DISC1: variants seen among roughly 807,000 people sequenced by gnomAD.
The protein encoded by DISC1 is DISC1 scaffold protein, also known as disrupted in schizophrenia 1 protein.
Under a neutral mutation model 84.5 loss-of-function variants are expected in DISC1, and 57 were observed. The ratio of observed to expected loss-of-function variants is 0.67; its 90% CI spans 0.55 to 0.84. The LOEUF is 0.84. Among genes scored for constraint, DISC1 ranks in the 40% least tolerant of loss-of-function variants. The pLI, the probability that DISC1 is intolerant of heterozygous loss-of-function variation, is 0.00. For synonymous variants in DISC1, 411 were observed against 415.2 expected, an observed-to-expected ratio of 0.99 and a Z score of 0.12; for missense variants, 1,000 against 1,057.8, an observed-to-expected ratio of 0.95 and a Z score of 0.76.
intron 9 of DISC1, among the ~76,000 whole-genome samples, chr1:231,905,866 G>A (rs944709367): frequency 1.3e-5 from 2 of 151,934 alleles, no homozygotes; most frequent in Non-Finnish European, 2.9e-5. Context: ...AAATACCCTC[G>A]TTTTTAGGAA....
intron 9 of DISC1, 46 bp downstream of exon 9, chr1:231,818,563 G>C: frequency 1.9e-6 from 3 of 1,610,540 alleles, no homozygotes; most frequent in Non-Finnish European, 2.5e-6. Context: ...GATGATATTT[G>C]TTGTGTTTTG....
rs1251598113 is a variant in DISC1, at chr1:231,672,154, T to C, written c.68-21672T>C. On this transcript the variant is annotated intron_variant, in intron 1 of 12. Transcript: ENST00000439617. ...TGTGCTTCTTAGATTCTGTTTTTTT[T>C]CTCTTCTTGAAACGAGAATACTTGT... is the stretch of plus-strand genomic sequence containing the variant. Among the ~76,000 whole-genome samples, 4 of 152,312 alleles carry C rather than the reference T, an allele frequency of 2.6e-5. No homozygotes were observed. In the South Asian group the frequency reaches 6.2e-4, roughly 24 times the overall value.
chr1:231,813,679 A>G (rs770785793), intron 8 of DISC1, among the ~76,000 whole-genome samples: 1 of 152,126 alleles, frequency 6.6e-6, no homozygotes, highest in Admixed American at 6.5e-5. Context: ...CATTTGGGGC[A>G]CTATTGTTTT....
intron 9 of DISC1, among the ~76,000 whole-genome samples, chr1:231,958,396 A>G (rs991365346): frequency 6.6e-6 from 1 of 152,218 alleles, no homozygotes; most frequent in African/African-American, 2.4e-5. Context: ...AGGTTCCACA[A>G]TCCTCCTCTA....
chr1:232,005,244 A>G (rs821601), intron 10 of DISC1, among the ~76,000 whole-genome samples: 59,345 of 151,766 alleles, frequency 0.39, 13,529 homozygotes, highest in African/African-American at 0.64. Flanking sequence ...TCTTGTACAC[A>G]AGAAGTCCCA....
chr1:231,799,747 T>A (rs1011877622), intron 7 of DISC1, among the ~76,000 whole-genome samples: 1 of 151,136 alleles, frequency 6.6e-6, no homozygotes, highest in Non-Finnish European at 1.5e-5. Context: ...AGTTTTGTAA[T>A]TGGATGTGGG....
At chr1:231,688,170 G>A (rs1310280796) in intron 1 of DISC1, among the ~76,000 whole-genome samples, 1 of 152,142 alleles carries the variant, frequency 6.6e-6, no homozygotes, top group Non-Finnish European at 1.5e-5. Flanking sequence ...TTCTATGTCA[G>A]TTCTAGAACC....
intron 9 of DISC1, among the ~76,000 whole-genome samples, chr1:231,841,092 A>G (rs368950447): frequency 2.0e-5 from 3 of 152,182 alleles, no homozygotes; most frequent in East Asian, 3.8e-4. Flanking sequence ...GCCTGACATG[A>G]TGCTCAAAGG....
chr1:231,774,610 A>G (rs1299359030), intron 6 of DISC1: 1 of 441,428 alleles, frequency 2.3e-6, no homozygotes, highest in Non-Finnish European at 4.6e-6. Flanking sequence ...GCACACTTTG[A>G]TTGGTCAGCT....
intron 9 of DISC1, among the ~76,000 whole-genome samples, chr1:231,907,208 G>T (rs1384328864): frequency 6.8e-6 from 1 of 146,570 alleles, no homozygotes; most frequent in African/African-American, 2.6e-5. Context: ...GGGTACATGT[G>T]CACAACGTGC....
At chr1:231,690,787 C>G (rs925664843) in intron 1 of DISC1, among the ~76,000 whole-genome samples, 2 of 152,182 alleles carry the variant, frequency 1.3e-5, no homozygotes, top group Admixed American at 1.3e-4. Context: ...CAGATTCCAG[C>G]AGTGCCCTCC....
chr1:231,808,908 G>A (rs544394989), intron 8 of DISC1, among the ~76,000 whole-genome samples: 3 of 152,318 alleles, frequency 2.0e-5, no homozygotes, highest in Non-Finnish European at 2.9e-5. Flanking sequence ...TGTAATTTAC[G>A]GATCCTGGGC....
At chr1:231,917,619 T>C (rs2089729530) in intron 9 of DISC1, among the ~76,000 whole-genome samples, 1 of 152,204 alleles carries the variant, frequency 6.6e-6, no homozygotes, top group South Asian at 2.1e-4. Flanking sequence ...CTTCCTGCTC[T>C]GGATCTTGTG....
chr1:231,791,123 G>A (rs1458873442), intron 6 of DISC1, among the ~76,000 whole-genome samples: 1 of 152,212 alleles, frequency 6.6e-6, no homozygotes, highest in African/African-American at 2.4e-5. Context: ...TGTTGAGGGT[G>A]AAATTTGGTC....
At position 231,636,189 on chromosome 1, in the gene DISC1, T is replaced by C. The variant is rs553305546; in HGVS notation, c.67+9255T>C. Among the ~76,000 whole-genome samples, 7 of 152,382 alleles carry C rather than the reference T, an allele frequency of 4.6e-5. No individual in the cohort carries two copies. In the South Asian group the frequency reaches 1.4e-3, roughly 32 times the overall value. The stretch of plus-strand genomic sequence containing the variant: ...GCTGCTCTTCATTCAGAAAGAGATA[T>C]ATAATTCTCCATTTGTAGAACACTG... On this transcript the variant is annotated intron_variant, in intron 1 of 12. Transcript: ENST00000439617.
intron 8 of DISC1, among the ~76,000 whole-genome samples, chr1:231,803,946 CAAAAAAAAAAAAAAA>C (rs59401177): frequency 1.8e-5 from 1 of 55,364 alleles, no homozygotes; most frequent in Admixed American, 3.0e-4. Flanking sequence ...GACTCCGTCT[CAAAAAAAAAAAAAAA>C]AAAAAAAAAA....
chr1:231,668,449 C>T (rs148080625), intron 1 of DISC1, among the ~76,000 whole-genome samples: 5 of 152,246 alleles, frequency 3.3e-5, no homozygotes, highest in African/African-American at 4.8e-5. Flanking sequence ...TCACCTCAAG[C>T]GGCCATTCCT....
At chr1:231,962,158 T>C (rs1278475547) in intron 10 of DISC1, among the ~76,000 whole-genome samples, 3 of 152,362 alleles carry the variant, frequency 2.0e-5, no homozygotes, top group East Asian at 1.9e-4. Context: ...TGTATTTCTG[T>C]TGGCTGCTTG....
At chr1:231,849,242 T>A (rs993146964) in intron 9 of DISC1, among the ~76,000 whole-genome samples, 3 of 151,942 alleles carry the variant, frequency 2.0e-5, no homozygotes, top group Non-Finnish European at 4.4e-5. Context: ...TGCCTTGGAC[T>A]CCCGAGTAGC....
Sources: allele counts gnomAD v4.1 joint callset (sites outside exome capture counted in the v4.1 genomes callset), GRCh38; gene constraint gnomAD v4.1.1; transcripts MANE v1.5; gene names NCBI Gene and HGNC (gene_info 2026-07-23, HGNC 2026-07-21).